SOX6: variants seen among roughly 807,000 people sequenced by gnomAD.
SOX6 encodes transcription factor SOX-6.
Under a neutral mutation model 97.8 loss-of-function variants are expected in SOX6, and 11 were observed. That is an observed-to-expected ratio of 0.11 (90% confidence interval 0.07 to 0.19). The LOEUF is 0.19. Ranked by LOEUF, SOX6 falls within the 10% of genes least tolerant of loss-of-function variation. The pLI, the probability that SOX6 is intolerant of heterozygous loss-of-function variation, is 1.00. For missense variants in SOX6, 810 were observed against 1,039.5 expected (o/e 0.78, Z 3.04); for synonymous variants, 360 against 371.4 (o/e 0.97, Z 0.35).
intron 10 of SOX6, among the ~76,000 whole-genome samples, chr11:16,054,811 T>A (rs928175549): frequency 1.3e-5 from 2 of 152,164 alleles, no homozygotes; most frequent in African/African-American, 2.4e-5. Context: ...CAATTGTTCC[T>A]CTGTTTGAAT....
chr11:16,117,891 A>G (rs573520757), intron 6 of SOX6, among the ~76,000 whole-genome samples: 1 of 152,318 alleles, frequency 6.6e-6, no homozygotes, highest in African/African-American at 2.4e-5. Context: ...AAAATAATAG[A>G]ACTCCCCTCA....
chr11:16,012,749 T>A (rs1590129285), intron 13 of SOX6, among the ~76,000 whole-genome samples: 1 of 151,938 alleles, frequency 6.6e-6, no homozygotes, highest in African/African-American at 2.4e-5. Flanking sequence ...TCATAGCGAG[T>A]AATTTAATTA....
chr11:16,656,711 C>G (rs867471526), intron 3 of SOX6, among the ~76,000 whole-genome samples: 1 of 152,074 alleles, frequency 6.6e-6, no homozygotes, highest in African/African-American at 2.4e-5. Flanking sequence ...TACTATATAT[C>G]TGTTTTCTGG....
chr11:15,986,098 A>C, intron 15 of SOX6, 106 bp downstream of exon 15: 1 of 1,058,352 alleles, frequency 9.4e-7, no homozygotes, highest in Non-Finnish European at 1.5e-6. Context: ...AGTATGCCAC[A>C]ACCTCCTCTT....
At chr11:15,979,064 T>TATATATATATATATAA (rs1491385664) in intron 15 of SOX6, among the ~76,000 whole-genome samples, 1 of 140,456 alleles carries the variant, frequency 7.1e-6, no homozygotes, top group Admixed American at 7.4e-5. Flanking sequence ...TATATATATA[T>TATATATATATATATAA]AAAACTGCTT....
chr11:16,045,991 C>T (rs1381961792), intron 12 of SOX6, among the ~76,000 whole-genome samples: 1 of 152,146 alleles, frequency 6.6e-6, no homozygotes, highest in Admixed American at 6.5e-5. Context: ...GCTGTATCTC[C>T]AGCGCCTAGA....
Position 16,448,043 on chromosome 11 carries a change from G to A in SOX6, c.-5+28272C>T, listed in dbSNP as rs189317992. On this transcript the variant is annotated intron_variant, in intron 1 of 15. Coordinates refer to the SOX6 transcript ENST00000396356. ...GCAACAGCACAGATGTAATTTGAGG[G>A]ATTTTCTATAGGATGCTTATGAGTT... is the stretch of plus-strand genomic sequence containing the variant. 2.3e-3 allele frequency among the ~76,000 whole-genome samples: 345 copies of A among 152,280 alleles called. 1 individual carries two copies. Among genetic ancestry groups the A allele is most frequent in the African/African-American group, 7.9e-3 (329 of 41,552 alleles).
At chr11:16,655,971 T>TAA (rs112093833) in intron 3 of SOX6, among the ~76,000 whole-genome samples, 1 of 144,812 alleles carries the variant, frequency 6.9e-6, no homozygotes, top group African/African-American at 2.5e-5. Flanking sequence ...CCTGTCTCAT[T>TAA]AAAAAAAAAA....
At chr11:16,133,395 T>C (rs1417061676) in intron 6 of SOX6, among the ~76,000 whole-genome samples, 2 of 152,268 alleles carry the variant, frequency 1.3e-5, no homozygotes, top group East Asian at 3.9e-4. Flanking sequence ...ACCATGTTTG[T>C]GAGTGTAGGT....
At chr11:16,066,317 G>T (rs763264869) in intron 9 of SOX6, among the ~76,000 whole-genome samples, 1 of 152,142 alleles carries the variant, frequency 6.6e-6, no homozygotes, top group Non-Finnish European at 1.5e-5. Flanking sequence ...ATGTAAATTA[G>T]TACAACCACT....
At chr11:16,080,640 T>A (rs1436615292) in intron 9 of SOX6, among the ~76,000 whole-genome samples, 1 of 152,208 alleles carries the variant, frequency 6.6e-6, no homozygotes, top group Non-Finnish European at 1.5e-5. Context: ...AATATATTAC[T>A]GATGCAAAGA....
At chr11:16,670,196 C>G (rs11024012) in intron 3 of SOX6, among the ~76,000 whole-genome samples, 1 of 151,946 alleles carries the variant, frequency 6.6e-6, no homozygotes, top group South Asian at 2.1e-4. Flanking sequence ...GCCACTGACA[C>G]AGTAACAGTT....
chr11:16,090,617 C>T (rs769034628), intron 9 of SOX6, among the ~76,000 whole-genome samples: 6 of 151,712 alleles, frequency 4.0e-5, no homozygotes, highest in Non-Finnish European at 7.4e-5. Flanking sequence ...AGACAGAGCA[C>T]TCAACCAAAT....
chr11:16,526,415 T>C lies in SOX6; in HGVS notation n.610-50027A>G, dbSNP rs970946671. On this transcript the variant is annotated intron_variant and non_coding_transcript_variant, in intron 4 of 5. Transcript: ENST00000524520. ...ACCAAACACCGCATGTTCTCACTCA[T>C]AGGTGGGAATTGAACAATGAGAACA... is the stretch of plus-strand genomic sequence containing the variant. Among the ~76,000 whole-genome samples, 8 of 150,796 alleles carry C rather than the reference T, an allele frequency of 5.3e-5. No homozygotes were observed. The East Asian group carries it at 1.4e-3, about 26-fold the overall frequency.
At chr11:16,227,575 C>T (rs1382632927) in intron 4 of SOX6, among the ~76,000 whole-genome samples, 7 of 152,072 alleles carry the variant, frequency 4.6e-5, no homozygotes, top group Non-Finnish European at 7.4e-5. Context: ...AGGTGCGCCT[C>T]ACCAGGCCCA....
chr11:16,145,659 G>C (rs971360319), intron 6 of SOX6, among the ~76,000 whole-genome samples: 2 of 152,120 alleles, frequency 1.3e-5, no homozygotes, highest in Admixed American at 1.3e-4. Flanking sequence ...AAAGTCTCAG[G>C]ATACAAAATC....
chr11:16,328,228 C>T (rs986088459), intron 2 of SOX6, among the ~76,000 whole-genome samples: 4 of 152,122 alleles, frequency 2.6e-5, no homozygotes, highest in Non-Finnish European at 5.9e-5. Context: ...ATATAACACT[C>T]TCTTCCTAAG....
chr11:16,322,743 A>G (rs1222434417), intron 2 of SOX6, among the ~76,000 whole-genome samples: 2 of 152,158 alleles, frequency 1.3e-5, no homozygotes, highest in East Asian at 3.9e-4. Context: ...CTGATGAACA[A>G]CCCAACTGAT....
chr11:16,522,006 C>T (rs1476487668), intron 4 of SOX6, among the ~76,000 whole-genome samples: 5 of 152,228 alleles, frequency 3.3e-5, no homozygotes, highest in African/African-American at 7.2e-5. Context: ...ACGTCTGATT[C>T]GTGTACCTGA....
Sources: gnomAD v4.1 joint callset for allele counts (sites outside exome capture counted in the v4.1 genomes callset) on GRCh38, gnomAD v4.1.1 for gene constraint, MANE v1.5 for transcripts, NCBI Gene and HGNC (gene_info 2026-07-23, HGNC 2026-07-21) for gene names.